Variants in LRRC51 observed in about 807,000 individuals in gnomAD.
LRRC51 encodes leucine-rich repeat-containing protein 51.
In LRRC51, 8 loss-of-function variants were observed where a neutral mutation model predicts 17.8. The ratio of observed to expected loss-of-function variants is 0.45; its 90% confidence interval spans 0.26 to 0.81. LRRC51 has a LOEUF of 0.81. LRRC51 is among the 30% of genes least tolerant of loss of function. LRRC51 has a pLI of 0.17. For missense variants in LRRC51, 233 were observed against 239.3 expected, an observed-to-expected ratio of 0.97 and a Z score of 0.17; for synonymous variants, 92 against 96.0, an observed-to-expected ratio of 0.96 and a Z score of 0.24.
At chr11:72,082,797 C>A (rs1944318771) in intron 1 of LRRC51, among the ~76,000 whole-genome samples, 1 of 152,252 alleles carries the variant, frequency 6.6e-6, no homozygotes, top group East Asian at 1.9e-4. Flanking sequence ...GCCATATTTG[C>A]GCACTGCAAC....
In LRRC51 at chr11:72,095,557, A is replaced by G. The variant is rs199508207; in HGVS notation, c.*37A>G. On this transcript the variant is annotated 3_prime_UTR_variant, in exon 6 of 6. Coordinates refer to ENST00000289488, the MANE Select transcript of LRRC51 (RefSeq NM_145309.6). ...CCCTAGTAGTCCTAAAGGCCTAAGC[A>G]TAGACAGCATGGTTTGACAATAAAT... is the stretch of plus-strand genomic sequence containing the variant. 163 of 1,606,256 alleles carry G rather than the reference A, an allele frequency of 1.0e-4. 2 individuals carry two copies. The Admixed American group carries it at 2.5e-3, about 25-fold the overall frequency.
chr11:72,094,856 A>G, intron 4 of LRRC51, 92 bp from the exon 5 acceptor site: 2 of 1,613,856 alleles, frequency 1.2e-6, no homozygotes, highest in South Asian at 1.1e-5. Flanking sequence ...GTTGTTCCCC[A>G]CATTCTTCCT....
chr11:72,083,120 C>A (rs572375800), intron 1 of LRRC51, among the ~76,000 whole-genome samples: 6 of 152,194 alleles, frequency 3.9e-5, no homozygotes, highest in Non-Finnish European at 7.3e-5. Context: ...CCACCTTGGC[C>A]TCCCAAAGTG....
At chr11:72,083,355 C>T (rs1944352419) in intron 1 of LRRC51, among the ~76,000 whole-genome samples, 1 of 152,134 alleles carries the variant, frequency 6.6e-6, no homozygotes. Flanking sequence ...ATGCTCATTC[C>T]ACACCACCCC....
intron 3 of LRRC51, 152 bp downstream of exon 3, chr11:72,089,317 TGA>T (rs1438891760): frequency 1.3e-6 from 2 of 1,504,780 alleles, no homozygotes; most frequent in Non-Finnish European, 9.0e-7. Flanking sequence ...TAGGGGAGAG[TGA>T]GAGGTTTTTT....
intron 3 of LRRC51, among the ~76,000 whole-genome samples, chr11:72,090,177 T>C (rs143345789): frequency 6.6e-6 from 1 of 152,328 alleles, no homozygotes; most frequent in East Asian, 1.9e-4. Flanking sequence ...CCTGCTGTGA[T>C]CTTTATTGTG....
rs1269525369 is a variant in LRRC51 at position 72,096,193 on chromosome 11, G to A, written c.*673G>A. 2 of 159,930 alleles carry A rather than the reference G, an allele frequency of 1.3e-5. No individual in the cohort carries two copies. Among genetic ancestry groups the A allele is most frequent in the East Asian group, 1.8e-4 (1 of 5,428 alleles). The allele number at this position is 159,930 out of a possible 1,614,324, so 9.9% of individuals were successfully genotyped here. Reference sequence around the variant, plus strand: ...AATTTTTTGTATTTTTAGTAGAGACGGGGTTTCACCATGTTAGCCAGGATG... The same window carrying A: ...AATTTTTTGTATTTTTAGTAGAGACAGGGTTTCACCATGTTAGCCAGGATG... On this transcript the variant is annotated 3_prime_UTR_variant, in exon 6 of 6. Coordinates refer to ENST00000289488, the MANE Select transcript of LRRC51 (RefSeq NM_145309.6).
chr11:72,091,055 T>A (rs1345043796), intron 3 of LRRC51, among the ~76,000 whole-genome samples: 1 of 152,172 alleles, frequency 6.6e-6, no homozygotes, highest in Admixed American at 6.5e-5. Context: ...TGTAGTGCAT[T>A]GGTGGAATCT....
chr11:72,091,822 G>A (rs932047635), intron 3 of LRRC51, among the ~76,000 whole-genome samples: 1 of 152,186 alleles, frequency 6.6e-6, no homozygotes. Flanking sequence ...CTAGGCTCAA[G>A]CAATCCTCCT....
intron 3 of LRRC51, among the ~76,000 whole-genome samples, chr11:72,092,728 G>A (rs1027650799): frequency 6.6e-6 from 1 of 152,196 alleles, no homozygotes; most frequent in Non-Finnish European, 1.5e-5. Flanking sequence ...TGGCTGTTCT[G>A]TACCTCTATA....
At position 72,089,140 on chromosome 11, in the gene LRRC51, C is replaced by A; in HGVS notation, c.57C>A (p.Ser19=). The A allele has an allele frequency of 1.2e-6, 2 of 1,614,138 alleles. No homozygotes were observed. The highest frequency in any genetic ancestry group is 1.7e-6 in the Non-Finnish European group (2 of 1,180,024). ...TACAGGAGCCCCCTCTTGACTACTCCTTCAGAAGCATCCACGTCATTCAAG... is the reference window on the plus strand; with the variant it reads ...TACAGGAGCCCCCTCTTGACTACTCATTCAGAAGCATCCACGTCATTCAAG... The part of the protein sequence containing the change: ...TSVQEPPLDY[S]FRSIHVIQDL... The change falls in exon 3 of 6, where the codon TCC becomes TCA. Residue 19 remains serine, a synonymous_variant. Transcript: ENST00000289488.
chr11:72,086,815 T>C (rs910276430), intron 1 of LRRC51, among the ~76,000 whole-genome samples: 2 of 152,186 alleles, frequency 1.3e-5, no homozygotes, highest in East Asian at 1.9e-4. Context: ...CCATGTTCAG[T>C]GGTGCATAAC....
Position 72,096,687 on chromosome 11 carries a change from G to T in LRRC51, c.*1167G>T. 6.5e-7 allele frequency: 1 copy of T among 1,547,610 alleles called. No homozygotes were observed. Among genetic ancestry groups the T allele is most frequent in the Non-Finnish European group, 8.7e-7 (1 of 1,145,036 alleles). ...TACTTTTCAGCTTAGAGATTTGGGG[G>T]TTAAAGTAGATCAGTAATTTCCAAA... On this transcript the variant is annotated 3_prime_UTR_variant, in exon 6 of 6. Transcript: ENST00000289488.
chr11:72,093,452 CA>C, intron 3 of LRRC51, 43 bp from the exon 4 acceptor site: 2 of 1,563,770 alleles, frequency 1.3e-6, no homozygotes, highest in Non-Finnish European at 8.7e-7. Context: ...CCCCTAAAGC[CA>C]AAAAAGCAAA....
At position 72,088,169 on chromosome 11, in the gene LRRC51, T is replaced by A. The variant is rs1214391863; in HGVS notation, c.-139-128T>A. ...TCTTCATCCCAGGTGAGTAGTATTC[T>A]CATGGCTCTCCCTTGTCTCCAGAAA... On this transcript the variant is annotated intron_variant, in intron 1 of 5. Coordinates refer to ENST00000289488, the MANE Select transcript of LRRC51 (RefSeq NM_145309.6). 1.4e-5 allele frequency: 8 copies of A among 571,376 alleles called. No individual in the cohort carries two copies. In the East Asian group the frequency reaches 2.0e-4, roughly 15 times the overall value. The allele number at this position is 571,376 out of a possible 1,614,324, so 35.4% of individuals were successfully genotyped here.
chr11:72,083,530 T>C (rs1271855033), intron 1 of LRRC51, among the ~76,000 whole-genome samples: 1 of 152,174 alleles, frequency 6.6e-6, no homozygotes, highest in African/African-American at 2.4e-5. Flanking sequence ...AATGTGTTTG[T>C]TAAGCACCTA....
intron 1 of LRRC51, among the ~76,000 whole-genome samples, chr11:72,082,934 C>T (rs1386151718): frequency 6.6e-6 from 1 of 151,890 alleles, no homozygotes; most frequent in Non-Finnish European, 1.5e-5. Flanking sequence ...GGCGCAATCT[C>T]GGCTCACAGC....
At chr11:72,088,630 TG>T (rs1944677956) in intron 2 of LRRC51, 2 of 564,310 alleles carry the variant, frequency 3.5e-6, no homozygotes. Context: ...CAACAGAGGG[TG>T]GGTATCAAGA....
intron 1 of LRRC51, among the ~76,000 whole-genome samples, chr11:72,082,798 G>A (rs758498530): frequency 2.9e-4 from 44 of 151,798 alleles, no homozygotes; most frequent in Non-Finnish European, 5.0e-4. Context: ...CCATATTTGC[G>A]CACTGCAACC....
Sources: gnomAD v4.1 joint callset for allele counts (sites outside exome capture counted in the v4.1 genomes callset) on GRCh38, gnomAD v4.1.1 for gene constraint, MANE v1.5 for transcripts, NCBI Gene and HGNC (gene_info 2026-07-23, HGNC 2026-07-21) for gene names.